Variants in NMNAT2 observed in about 807,000 individuals in gnomAD.
NMNAT2 encodes the protein nicotinamide/nicotinic acid mononucleotide adenylyltransferase 2.
In NMNAT2, 11 loss-of-function variants were observed where a neutral mutation model predicts 41.6. The observed-to-expected ratio is 0.26, with a 90% CI of 0.17 to 0.44. The LOEUF (loss-of-function observed/expected upper bound fraction) is 0.44. NMNAT2 is among the 20% of genes least tolerant of loss of function. NMNAT2 has a pLI of 1.00. For synonymous variants in NMNAT2, 148 were observed against 151.2 expected (o/e 0.98, Z 0.16); for missense variants, 288 against 407.7 (o/e 0.71, Z 2.53).
chr1:183,335,471 T>C (rs554807927), intron 1 of NMNAT2, among the ~76,000 whole-genome samples: 122 of 152,358 alleles, frequency 8.0e-4, no homozygotes, highest in South Asian at 7.5e-3. Flanking sequence ...GGCAAGGTGA[T>C]GTGAGGAAGC....
chr1:183,302,716 C>T (rs1661891648), intron 1 of NMNAT2, among the ~76,000 whole-genome samples: 1 of 152,180 alleles, frequency 6.6e-6, no homozygotes, highest in East Asian at 1.9e-4. Flanking sequence ...TCCCCTATGC[C>T]CCAGAGGCTG....
At chr1:183,405,176 C>T (rs908057732) in intron 1 of NMNAT2, among the ~76,000 whole-genome samples, 1 of 152,070 alleles carries the variant, frequency 6.6e-6, no homozygotes, top group Non-Finnish European at 1.5e-5. Context: ...GCTGTGGTGG[C>T]ACCACTGAAC....
intron 4 of NMNAT2, among the ~76,000 whole-genome samples, chr1:183,288,432 C>T (rs921258579): frequency 1.3e-5 from 2 of 152,188 alleles, no homozygotes; most frequent in Non-Finnish European, 2.9e-5. Flanking sequence ...ACAGGGGGGC[C>T]GGCAGTGACC....
intron 10 of NMNAT2, among the ~76,000 whole-genome samples, chr1:183,257,271 T>C (rs1209756127): frequency 6.6e-6 from 1 of 151,894 alleles, no homozygotes; most frequent in Non-Finnish European, 1.5e-5. Flanking sequence ...TAAAACCCTG[T>C]CTCTACCAAA....
intron 10 of NMNAT2, among the ~76,000 whole-genome samples, chr1:183,257,341 T>C (rs1382837464): frequency 2.0e-5 from 3 of 152,012 alleles, no homozygotes; most frequent in African/African-American, 7.2e-5. Flanking sequence ...CTTGGGAGGC[T>C]GAGGCAGGAG....
intron 1 of NMNAT2, among the ~76,000 whole-genome samples, chr1:183,343,700 A>G (rs991060399): frequency 6.6e-6 from 1 of 152,178 alleles, no homozygotes; most frequent in East Asian, 1.9e-4. Context: ...TTATTTGTCT[A>G]CTGGCCCCCT....
intron 1 of NMNAT2, among the ~76,000 whole-genome samples, chr1:183,384,530 G>T (rs1289548223): frequency 1.3e-5 from 2 of 152,086 alleles, no homozygotes; most frequent in Admixed American, 6.6e-5. Flanking sequence ...CAAATCTTGT[G>T]AGAACTCACT....
chr1:183,341,736 A>AAAACAAAAACAAAAAC lies in NMNAT2; in HGVS notation c.86-47944_86-47943insGTTTTTGTTTTTGTTT, dbSNP rs1348825057. Among the ~76,000 whole-genome samples, 1,318 of 138,188 alleles carry AAAACAAAAACAAAAAC rather than the reference A, an allele frequency of 9.5e-3. 89 individuals are homozygous for AAAACAAAAACAAAAAC. Among genetic ancestry groups the AAAACAAAAACAAAAAC allele is most frequent in the African/African-American group, 0.035 (1,249 of 35,784 alleles). The allele number at this position is 138,188 out of a possible 152,430, so 90.7% of individuals were successfully genotyped here. ...AAACAAACAAACACCAAAAAAAAAA[A>AAAACAAAAACAAAAAC]AAAAAAAAAAACCTGTTTCCTTCAC... is the stretch of plus-strand genomic sequence containing the variant. On this transcript the variant is annotated intron_variant, in intron 1 of 10. Transcript: ENST00000287713.
chr1:183,380,549 G>A (rs1431451452), intron 1 of NMNAT2, among the ~76,000 whole-genome samples: 1 of 152,136 alleles, frequency 6.6e-6, no homozygotes, highest in Non-Finnish European at 1.5e-5. Context: ...TTATCATAGA[G>A]ACACAAACAA....
chr1:183,286,880 A>G, intron 4 of NMNAT2, 92 bp from the exon 5 acceptor site: 1 of 1,389,930 alleles, frequency 7.2e-7, no homozygotes, highest in Non-Finnish European at 9.8e-7. Flanking sequence ...TCCATCATGG[A>G]GAGGCCACCC....
chr1:183,305,887 A>G (rs1210064272), intron 1 of NMNAT2, among the ~76,000 whole-genome samples: 1 of 151,832 alleles, frequency 6.6e-6, no homozygotes, highest in East Asian at 1.9e-4. Context: ...TACCCGGCCA[A>G]TTTTTTGTAT....
chr1:183,403,451 C>CAA (rs1367752896), intron 1 of NMNAT2, among the ~76,000 whole-genome samples: 3 of 141,406 alleles, frequency 2.1e-5, no homozygotes, highest in Admixed American at 6.9e-5. Context: ...CCCCCCCCCC[C>CAA]AAAAAAAATG....
intron 8 of NMNAT2, among the ~76,000 whole-genome samples, chr1:183,262,327 C>T (rs1327762632): frequency 6.7e-6 from 1 of 149,734 alleles, no homozygotes; most frequent in African/African-American, 2.5e-5. Context: ...AAAAAGAAAT[C>T]AATCACAATC....
intron 1 of NMNAT2, among the ~76,000 whole-genome samples, chr1:183,321,950 C>G (rs937855645): frequency 6.6e-6 from 1 of 152,068 alleles, no homozygotes; most frequent in African/African-American, 2.4e-5. Context: ...TCCTGAATAA[C>G]TGGAGCCACA....
chr1:183,417,644 A>C (rs1649293627), intron 1 of NMNAT2, among the ~76,000 whole-genome samples: 1 of 152,132 alleles, frequency 6.6e-6, no homozygotes, highest in East Asian at 1.9e-4. Context: ...GGCCGCCCAG[A>C]ATCACCAGCC....
At chr1:183,258,773 A>T (rs1660583495) in intron 10 of NMNAT2, among the ~76,000 whole-genome samples, 1 of 152,060 alleles carries the variant, frequency 6.6e-6, no homozygotes, top group Non-Finnish European at 1.5e-5. Flanking sequence ...AAACTGGCTT[A>T]TTTGAATTTG....
chr1:183,338,142 A>G (rs1194930021), intron 1 of NMNAT2, among the ~76,000 whole-genome samples: 1 of 76,964 alleles, frequency 1.3e-5, no homozygotes, highest in Non-Finnish European at 2.7e-5. Context: ...TGAGACCCCC[A>G]TCTCTTTAAA....
At chr1:183,402,952 C>T (rs1017811467) in intron 1 of NMNAT2, among the ~76,000 whole-genome samples, 20 of 140,794 alleles carry the variant, frequency 1.4e-4, no homozygotes, top group African/African-American at 5.1e-4. Flanking sequence ...GCATAAACAA[C>T]ATCATATCTT....
intron 1 of NMNAT2, among the ~76,000 whole-genome samples, chr1:183,386,795 T>C (rs1648262006): frequency 1.3e-5 from 2 of 152,094 alleles, no homozygotes; most frequent in Admixed American, 6.5e-5. Context: ...TCGCTAGTTA[T>C]AGGATAAATG....
Sources: gnomAD v4.1 joint callset for allele counts (sites outside exome capture counted in the v4.1 genomes callset) on GRCh38, gnomAD v4.1.1 for gene constraint, MANE v1.5 for transcripts, NCBI Gene and HGNC (gene_info 2026-07-23, HGNC 2026-07-21) for gene names.